Variants in MMP1 observed in about 807,000 individuals in gnomAD.
MMP1 encodes matrix metallopeptidase 1, also known as interstitial collagenase.
In MMP1, 51 loss-of-function variants were observed where a neutral mutation model predicts 49.6. The observed-to-expected ratio is 1.03, with a 90% confidence interval of 0.82 to 1.30. MMP1 has a LOEUF of 1.30. Among genes scored for constraint, MMP1 ranks in the 50% most tolerant of loss-of-function variants. The pLI, the probability that MMP1 is intolerant of heterozygous loss-of-function variation, is 0.00. For synonymous variants in MMP1, 230 were observed against 196.8 expected, an observed-to-expected ratio of 1.17 and a Z score of -1.41; for missense variants, 623 against 568.7, an observed-to-expected ratio of 1.10 and a Z score of -0.97.
Position 102,791,390 on chromosome 11 carries a change from G to T in MMP1, c.1139C>A (p.Ala380Asp), listed in dbSNP as rs371023437. The T allele has an allele frequency of 3.1e-6, 5 of 1,614,064 alleles. No individual in the cohort carries two copies. Among genetic ancestry groups the T allele is most frequent in the Non-Finnish European group, 3.4e-6 (4 of 1,179,910 alleles). ...FPRTVKHIDA[A>D]LSEENTGKTY... ...TTTTCCAGTGTTTTCCTCAGAAAGAGCAGCATCGATATGCTTCACAGTTCT... is the reference window on the plus strand; with the variant it reads ...TTTTCCAGTGTTTTCCTCAGAAAGATCAGCATCGATATGCTTCACAGTTCT... Residue 380 changes from alanine (A) to aspartate (D), a missense_variant, in exon 8 of 10, where the codon GCT (alanine) becomes GAT (aspartate). Coordinates refer to ENST00000315274, the MANE Select transcript of MMP1 (RefSeq NM_002421.4).
chr11:102,793,616 C>T (rs1178723027), intron 6 of MMP1, among the ~76,000 whole-genome samples: 1 of 152,120 alleles, frequency 6.6e-6, no homozygotes, highest in Non-Finnish European at 1.5e-5. Flanking sequence ...ATCACAAGGA[C>T]ACTACAAGAG....
At chr11:102,791,541 T>C in intron 7 of MMP1, 46 bp from the exon 8 acceptor site, 2 of 1,598,924 alleles carry the variant, frequency 1.3e-6, no homozygotes, top group Non-Finnish European at 1.7e-6. Context: ...AAGACTTCAA[T>C]AGGCAGTAAG....
Position 102,792,615 on chromosome 11 carries a change from C to T in MMP1, c.1023G>A (p.Arg341=). 2.5e-6 allele frequency: 4 copies of T among 1,613,360 alleles called. No individual in the cohort carries two copies. The highest frequency in any genetic ancestry group is 1.1e-5 in the South Asian group (1 of 90,874). ...AATTAGAAAGATTACCTTTGAAAAA[C>T]CGGACTTCATCTCTGTCGGCAAATT... is the stretch of plus-strand genomic sequence containing the variant. The part of the protein sequence containing the change: ...AYEFADRDEV[R]FFKGNKYWAV... Residue 341 remains arginine (R), a synonymous_variant, in exon 7 of 10, where the codon CGG becomes CGA. Coordinates refer to ENST00000315274, the MANE Select transcript of MMP1 (RefSeq NM_002421.4).
rs1565458991 is a variant in MMP1, at chr11:102,790,366, C to T, written c.*46G>A. On this transcript the variant is annotated 3_prime_UTR_variant, in exon 10 of 10. Transcript: ENST00000315274. Reference sequence around the variant, plus strand: ...AATAGACAGTTCTTCAGGAAAACACCTTCTTTGGACTCACACCATGTGTTT... The same window carrying T: ...AATAGACAGTTCTTCAGGAAAACACTTTCTTTGGACTCACACCATGTGTTT... 1 of 1,157,318 alleles carries T rather than the reference C, an allele frequency of 8.6e-7. No homozygotes were observed. 71.7% of individuals were successfully genotyped at this position (1,157,318 alleles called of 1,614,324 possible).
rs1411982983 is a variant in MMP1, at chr11:102,791,320, C to A, written c.1196+13G>T. On this transcript the variant is annotated intron_variant, in intron 8 of 9. Transcript: ENST00000315274. ...AGAACTGAGGCCCTAACATTCTCTGCACTTAAACTTACCTCCAGTATTTGT... is the reference window on the plus strand; with the variant it reads ...AGAACTGAGGCCCTAACATTCTCTGAACTTAAACTTACCTCCAGTATTTGT... 1.2e-6 allele frequency: 2 copies of A among 1,613,530 alleles called. No individual in the cohort carries two copies. Among genetic ancestry groups the A allele is most frequent in the Non-Finnish European group, 1.7e-6 (2 of 1,179,640 alleles).
In MMP1 at chr11:102,790,517, A is replaced by C. The variant is rs762758510; in HGVS notation, c.1305T>G (p.Phe435Leu). ...KVDAVFMKDG[F>L]FYFFHGTRQY... ...GTCTTGTTCCATGAAAGAAATAGAA[A>C]AATCCTAGAAACAAAACAAAAGAGA... The change falls in exon 10 of 10, where the codon TTT (phenylalanine) becomes TTG (leucine). Residue 435 changes from phenylalanine to leucine, a missense_variant. Phe to Leu is a conservative substitution (Grantham distance 22). Coordinates refer to ENST00000315274, the MANE Select transcript of MMP1 (RefSeq NM_002421.4). The C allele has an allele frequency of 6.3e-7, 1 of 1,574,866 alleles. No individual in the cohort carries two copies. The highest frequency in any genetic ancestry group is 8.7e-7 in the Non-Finnish European group (1 of 1,152,536).
chr11:102,796,665 T>C lies in MMP1; in HGVS notation c.624A>G (p.Arg208=), dbSNP rs1357014944. The C allele has an allele frequency of 6.2e-6, 10 of 1,613,274 alleles. No individual in the cohort carries two copies. The highest frequency in any genetic ancestry group is 8.5e-6 in the Non-Finnish European group (10 of 1,179,734). Residue 208 remains arginine (R), a splice_region_variant and synonymous_variant, in exon 4 of 10, where the codon AGA becomes AGG. Coordinates refer to ENST00000315274, the MANE Select transcript of MMP1 (RefSeq NM_002421.4). ...GAGAGGCAAATTTGATTGGCTTACCTCTGAAATTGTTGGTCCACCTTTCAT... is the reference window on the plus strand; with the variant it reads ...GAGAGGCAAATTTGATTGGCTTACCCCTGAAATTGTTGGTCCACCTTTCAT... The part of the protein sequence containing the change: ...DEDERWTNNF[R]EYNLHRVAAH...
At chr11:102,793,994 G>A (rs1341760137) in intron 6 of MMP1, among the ~76,000 whole-genome samples, 1 of 152,120 alleles carries the variant, frequency 6.6e-6, no homozygotes, top group Non-Finnish European at 1.5e-5. Flanking sequence ...TCGACATGGC[G>A]ACATTTAAAT....
At position 102,797,278 on chromosome 11, in the gene MMP1, C is replaced by A; in HGVS notation, c.328G>T (p.Glu110Ter). 8 of 1,614,190 alleles carry A rather than the reference C, an allele frequency of 5.0e-6. No individual in the cohort carries two copies. The highest frequency in any genetic ancestry group is 6.8e-6 in the Non-Finnish European group (8 of 1,180,042). The change falls in exon 2 of 10, where the codon GAG (glutamate) becomes TAG (stop). Residue 110 changes from glutamate to a stop codon, truncating the protein, a stop_gained. Transcript: ENST00000315274. LOFTEE classifies it high-confidence loss of function. ...FVLTEGNPRW[E>*]QTHLTYRIEN... is the part of the protein sequence containing the mutation. ...TACCTGTAGGTCAGATGTGTTTGCT[C>A]CCAGCGAGGGTTCCCCTCAGTGAGG...
chr11:102,797,080 T>A lies in MMP1; in HGVS notation c.433A>T (p.Thr145Ser), dbSNP rs1355100115. The change falls in exon 3 of 10, where the codon ACA becomes TCA. Residue 145 changes from threonine to serine, a missense_variant. Coordinates refer to ENST00000315274, the MANE Select transcript of MMP1 (RefSeq NM_002421.4). Reference protein sequence around the residue: ...EKAFQLWSNVTPLTFTKVSEG... With the variant: ...EKAFQLWSNVSPLTFTKVSEG... ...GAGACCTTGGTGAATGTCAGAGGTG[T>A]GACATTACTCCAGAGTTGGAAGGCT... 1.2e-6 allele frequency: 2 copies of A among 1,614,168 alleles called. No individual in the cohort carries two copies. Among genetic ancestry groups the A allele is most frequent in the Admixed American group, 1.7e-5 (1 of 60,016 alleles).
chr11:102,795,697 C>T (rs960495973), intron 4 of MMP1, 90 bp from the exon 5 acceptor site: 12 of 1,082,528 alleles, frequency 1.1e-5, no homozygotes, highest in Admixed American at 9.1e-5. Context: ...ACTACAAGGA[C>T]TCATGTTACT....
chr11:102,795,434 GT>G lies in MMP1; in HGVS notation c.781+17del. 6.2e-7 allele frequency: 1 copy of G among 1,610,958 alleles called. No homozygotes were observed. Among genetic ancestry groups the G allele is most frequent in the Non-Finnish European group, 8.5e-7 (1 of 1,178,932 alleles). On this transcript the variant is annotated intron_variant, in intron 5 of 9. Coordinates refer to ENST00000315274, the MANE Select transcript of MMP1 (RefSeq NM_002421.4). The stretch of plus-strand genomic sequence containing the variant: ...AGACCACCAGGCCCTTGTCCGTAAT[GT>G]TTTTCCCCATACTCACCATATATGG...
chr11:102,797,894 A>T (rs1858247815), intron 1 of MMP1, 94 bp downstream of exon 1: 1 of 949,718 alleles, frequency 1.1e-6, no homozygotes, highest in Non-Finnish European at 1.5e-6. Flanking sequence ...AAATCTCTTT[A>T]TAAGAAACCT....
Position 102,797,972 on chromosome 11 carries a change from G to A in MMP1, c.105+16C>T, listed in dbSNP as rs763277686. 1.4e-5 allele frequency: 21 copies of A among 1,553,406 alleles called. No homozygotes were observed. Among genetic ancestry groups the A allele is most frequent in the East Asian group, 1.1e-4 (5 of 44,506 alleles). On this transcript the variant is annotated intron_variant, in intron 1 of 9. Coordinates refer to ENST00000315274, the MANE Select transcript of MMP1 (RefSeq NM_002421.4). ...CTAAAAATTTACATTATTGTCACAT[G>A]CAATGCAGCATTTACCTGGACTAAG...
chr11:102,797,374 TCCCAGTCA>T lies in MMP1; in HGVS notation c.224_231del (p.Val75GlufsTer5). 1 of 1,614,192 alleles carries T rather than the reference TCCCAGTCA, an allele frequency of 6.2e-7. No homozygotes were observed. Among genetic ancestry groups the T allele is most frequent in the Non-Finnish European group, 8.5e-7 (1 of 1,180,030 alleles). On this transcript the variant is annotated frameshift_variant, in exon 2 of 10. Coordinates refer to ENST00000315274, the MANE Select transcript of MMP1 (RefSeq NM_002421.4). LOFTEE classifies it high-confidence loss of function. Reference sequence around the variant, plus strand: ...ACCTTCAGGGTTTCAGCATCTGGTTTCCCAGTCACTTTCAGCCCAAAGAATTCCTGCAT... The same window carrying T: ...ACCTTCAGGGTTTCAGCATCTGGTTTCTTTCAGCCCAAAGAATTCCTGCAT...
intron 7 of MMP1, 64 bp downstream of exon 7, chr11:102,792,541 C>G: frequency 1.4e-5 from 22 of 1,523,548 alleles, no homozygotes; most frequent in Non-Finnish European, 1.9e-5. Flanking sequence ...AACCTTATAT[C>G]TCAGCCCCAA....
chr11:102,793,596 A>G (rs1858094414), intron 6 of MMP1, among the ~76,000 whole-genome samples: 3 of 152,152 alleles, frequency 2.0e-5, no homozygotes, highest in Non-Finnish European at 2.9e-5. Flanking sequence ...CATTCCTTAC[A>G]TCAGACCTTA....
Position 102,798,046 on chromosome 11 carries a change from A to C in MMP1, c.47T>G (p.Val16Gly). ...PLLLLLFWGV[V>G]SHSFPATLET... Reference sequence around the variant, plus strand: ...TAGAGTCGCTGGGAAGCTGTGAGACACCACACCCCAGAACAGCAGCAGCAG... The same window carrying C: ...TAGAGTCGCTGGGAAGCTGTGAGACCCCACACCCCAGAACAGCAGCAGCAG... The change falls in exon 1 of 10, where the codon GTG (valine) becomes GGG (glycine). Residue 16 changes from valine (V) to glycine (G), a missense_variant. Coordinates refer to ENST00000315274, the MANE Select transcript of MMP1 (RefSeq NM_002421.4). 6.2e-7 allele frequency: 1 copy of C among 1,613,482 alleles called. No individual in the cohort carries two copies. Among genetic ancestry groups the C allele is most frequent in the Non-Finnish European group, 8.5e-7 (1 of 1,179,974 alleles).
intron 8 of MMP1, 27 bp downstream of exon 8, chr11:102,791,306 C>G: frequency 6.2e-7 from 1 of 1,612,892 alleles, no homozygotes; most frequent in East Asian, 2.2e-5. Context: ...GAACTGAGGC[C>G]CTAACATTCT....
Sources: allele counts gnomAD v4.1 joint callset (sites outside exome capture counted in the v4.1 genomes callset), GRCh38; gene constraint gnomAD v4.1.1; transcripts MANE v1.5; gene names NCBI Gene and HGNC (gene_info 2026-07-23, HGNC 2026-07-21).